Variants in CAST observed in about 807,000 individuals in gnomAD.
CAST encodes the protein MIR583 host.
Under a neutral mutation model 119.6 loss-of-function variants are expected in CAST, and 76 were observed. That is an observed-to-expected ratio of 0.64 (90% CI 0.53 to 0.77). The LOEUF is 0.77. Ranked by LOEUF, CAST falls within the 30% of genes least tolerant of loss-of-function variation. The probability of loss-of-function intolerance (pLI) is 0.00; values close to 1 mark genes in which losing one functional copy is unlikely to be tolerated. For synonymous variants in CAST, 319 were observed against 331.6 expected (o/e 0.96, Z 0.41); for missense variants, 953 against 946.5 (o/e 1.01, Z -0.09).
chr5:96,276,420 A>G, the CAST span, among the ~76,000 whole-genome samples: 17 of 152,280 alleles, frequency 1.1e-4, no homozygotes, highest in Admixed American at 9.2e-4. Flanking sequence ...GGCTTTTTAC[A>G]TATGTTATTT....
At chr5:96,043,122 A>G in the CAST span, among the ~76,000 whole-genome samples, 2 of 152,348 alleles carry the variant, frequency 1.3e-5, no homozygotes, top group African/African-American at 4.8e-5. Flanking sequence ...TTGGCTTACC[A>G]TACTTTTTCT....
At chr5:96,438,026 A>C in the CAST span, among the ~76,000 whole-genome samples, 1 of 152,164 alleles carries the variant, frequency 6.6e-6, no homozygotes, top group Non-Finnish European at 1.5e-5. Context: ...CATACTTCGA[A>C]GGCAGATTGT....
At chr5:96,726,049 T>A (rs532334555) in intron 4 of CAST, among the ~76,000 whole-genome samples, 16 of 152,204 alleles carry the variant, frequency 1.1e-4, no homozygotes, top group African/African-American at 3.9e-4. Context: ...TTTAGCCTCT[T>A]CAAATAAAAA....
At chr5:95,962,062 C>A in the CAST span, 21 of 398,946 alleles carry the variant, frequency 5.3e-5, no homozygotes, top group East Asian at 7.5e-4. Flanking sequence ...CTAGGTGACG[C>A]GCCAACTTAA....
chr5:96,623,667 G>A lies in CAST; in HGVS notation c.61-51872G>A, dbSNP rs147690869. On this transcript the variant is annotated intron_variant, in intron 1 of 11. Transcript: ENST00000505143. Reference sequence around the variant, plus strand: ...AGCATACCTTATTGGAAGAAAAGGGGAGACATGTTGGGGGTTTTTTATTTT... The same window carrying A: ...AGCATACCTTATTGGAAGAAAAGGGAAGACATGTTGGGGGTTTTTTATTTT... Among the ~76,000 whole-genome samples the A allele has an allele frequency of 2.7e-3, 411 of 152,236 alleles. 1 individual carries two copies. The highest frequency in any genetic ancestry group is 9.3e-3 in the African/African-American group (388 of 41,532).
intron 21 of CAST, 73 bp from the exon 22 acceptor site, chr5:96,754,585 C>G: frequency 1.2e-6 from 1 of 866,286 alleles, no homozygotes; most frequent in Non-Finnish European, 1.9e-6. Context: ...TACCTCAAAT[C>G]TAGTCACTCA....
At chr5:95,969,388 G>A in the CAST span, among the ~76,000 whole-genome samples, 1 of 152,160 alleles carries the variant, frequency 6.6e-6, no homozygotes, top group Non-Finnish European at 1.5e-5. Flanking sequence ...GAAGCCTGAA[G>A]GCACTTTGAT....
chr5:96,263,685 C>T, the CAST span, among the ~76,000 whole-genome samples: 2 of 151,994 alleles, frequency 1.3e-5, no homozygotes, highest in African/African-American at 4.8e-5. Context: ...CTGTATTAGT[C>T]CATTTTTACA....
chr5:95,969,790 A>G, the CAST span, among the ~76,000 whole-genome samples: 5 of 152,198 alleles, frequency 3.3e-5, no homozygotes, highest in African/African-American at 1.2e-4. Flanking sequence ...GGTTAGCGGT[A>G]TCAGTGGATT....
At chr5:96,318,901 A>G in the CAST span, 1 of 152,062 alleles carries the variant, frequency 6.6e-6, no homozygotes, top group Admixed American at 6.6e-5. Context: ...TACTTTACAT[A>G]TATATTTACT....
chr5:96,464,353 G>A, the CAST span, among the ~76,000 whole-genome samples: 1 of 151,978 alleles, frequency 6.6e-6, no homozygotes, highest in African/African-American at 2.4e-5. Flanking sequence ...TTTACTGTCT[G>A]TGACATATTG....
intron 1 of CAST, among the ~76,000 whole-genome samples, chr5:96,561,786 G>GGTTTTTTTTTTTTTTTTTTTTTTTTTTTT: frequency 9.5e-6 from 1 of 105,432 alleles, no homozygotes; most frequent in Non-Finnish European, 1.9e-5. Flanking sequence ...TTATATATAT[G>GGTTTTTTTTTTTTTTTTTTTTTTTTTTTT]TTTTTTTTTG....
chr5:96,452,171 A>G, the CAST span, among the ~76,000 whole-genome samples: 3 of 152,170 alleles, frequency 2.0e-5, no homozygotes, highest in Admixed American at 2.0e-4. Flanking sequence ...AAATCATTCT[A>G]CTATAAAGAC....
the CAST span, among the ~76,000 whole-genome samples, chr5:96,212,980 A>G: frequency 6.6e-6 from 1 of 152,132 alleles, no homozygotes; most frequent in Non-Finnish European, 1.5e-5. Context: ...TTAGCCGGGC[A>G]TGGTGGTGCA....
the CAST span, among the ~76,000 whole-genome samples, chr5:96,425,055 A>AG: frequency 7.5e-6 from 1 of 133,936 alleles, no homozygotes; most frequent in African/African-American, 2.7e-5. Context: ...AAAGAAAGAA[A>AG]GAAAGAAAGA....
chr5:96,556,106 G>C lies in CAST; in HGVS notation c.60+26226G>C, dbSNP rs556532498. On this transcript the variant is annotated intron_variant, in intron 1 of 11. Coordinates refer to the CAST transcript ENST00000505143. ...CTTATACCCAGGCAAACAGGGTCTG[G>C]AGTGGACCTCCAGAAAACTCCAACA... is the stretch of plus-strand genomic sequence containing the variant. Among the ~76,000 whole-genome samples, 8 of 152,326 alleles carry C rather than the reference G, an allele frequency of 5.3e-5. No individual in the cohort carries two copies. In the East Asian group the frequency reaches 5.8e-4, roughly 11 times the overall value.
At chr5:96,754,586 T>A in intron 21 of CAST, 72 bp from the exon 22 acceptor site, 1 of 872,146 alleles carries the variant, frequency 1.1e-6, no homozygotes. Flanking sequence ...ACCTCAAATC[T>A]AGTCACTCAG....
At chr5:96,375,455 T>C in the CAST span, among the ~76,000 whole-genome samples, 1 of 151,396 alleles carries the variant, frequency 6.6e-6, no homozygotes, top group African/African-American at 2.4e-5. Context: ...ACTATGCACA[T>C]GAGTTTACTC....
At chr5:95,971,748 C>T in the CAST span, among the ~76,000 whole-genome samples, 2 of 152,090 alleles carry the variant, frequency 1.3e-5, no homozygotes, top group African/African-American at 4.8e-5. Flanking sequence ...TAGCATAATG[C>T]ATTTGAGATT....
Sources: allele counts gnomAD v4.1 joint callset (sites outside exome capture counted in the v4.1 genomes callset), GRCh38; gene constraint gnomAD v4.1.1; transcripts MANE v1.5; gene names NCBI Gene and HGNC (gene_info 2026-07-23, HGNC 2026-07-21).